The following CSPP1 variants were observed in gnomAD, a reference collection of about 807,000 sequenced individuals.
CSPP1 encodes centrosome and spindle pole associated protein 1.
A neutral mutation model predicts 164.4 loss-of-function variants in CSPP1; 126 were observed. The observed-to-expected ratio is 0.77, with a 90% CI of 0.66 to 0.89. The LOEUF (loss-of-function observed/expected upper bound fraction) is 0.89. Ranked by LOEUF, CSPP1 falls within the 40% of genes least tolerant of loss-of-function variation. The pLI is 0.00. For synonymous variants in CSPP1, 472 were observed against 476.7 expected, an observed-to-expected ratio of 0.99 and a Z score of 0.13; for missense variants, 1,395 against 1,449.8, an observed-to-expected ratio of 0.96 and a Z score of 0.61.
chr8:67,117,835 C>T (rs745428273), intron 13 of CSPP1, among the ~76,000 whole-genome samples: 1 of 152,156 alleles, frequency 6.6e-6, no homozygotes, highest in Non-Finnish European at 1.5e-5. Flanking sequence ...GTACCTATAG[C>T]AATCTGCATT....
intron 29 of CSPP1, among the ~76,000 whole-genome samples, chr8:67,192,232 G>A (rs1192074056): frequency 6.6e-6 from 1 of 151,924 alleles, no homozygotes; most frequent in Non-Finnish European, 1.5e-5. Flanking sequence ...ATGCCAACAC[G>A]CCTGGCTAAG....
intron 10 of CSPP1, among the ~76,000 whole-genome samples, 184 bp from the exon 11 acceptor site, chr8:67,113,621 A>T (rs1336010818): frequency 6.6e-6 from 1 of 152,166 alleles, no homozygotes; most frequent in Non-Finnish European, 1.5e-5. Flanking sequence ...ATTCTAGTTT[A>T]CTTTGTATCA....
At chr8:67,165,431 T>C (rs1295559771) in intron 24 of CSPP1, among the ~76,000 whole-genome samples, 1 of 152,252 alleles carries the variant, frequency 6.6e-6, no homozygotes, top group Non-Finnish European at 1.5e-5. Flanking sequence ...TTTGAGACTC[T>C]TTGGATTTCT....
intron 16 of CSPP1, among the ~76,000 whole-genome samples, chr8:67,132,908 T>TA (rs1383606174): frequency 6.6e-6 from 1 of 152,210 alleles, no homozygotes; most frequent in East Asian, 1.9e-4. Flanking sequence ...GACTCTAACT[T>TA]ACTTACTTTT....
intron 26 of CSPP1, among the ~76,000 whole-genome samples, chr8:67,177,091 A>AAAAAAAAT (rs1831872801): frequency 6.6e-6 from 1 of 151,872 alleles, no homozygotes; most frequent in African/African-American, 2.4e-5. Flanking sequence ...AAAAAAAAAA[A>AAAAAAAAT]AAGAATATGG....
intron 17 of CSPP1, among the ~76,000 whole-genome samples, chr8:67,145,206 C>A (rs1490894832): frequency 6.6e-6 from 1 of 152,066 alleles, no homozygotes; most frequent in Non-Finnish European, 1.5e-5. Context: ...TTGAATCATT[C>A]AAGGAAATTA....
intron 24 of CSPP1, among the ~76,000 whole-genome samples, chr8:67,167,476 C>T (rs1046426443): frequency 7.3e-5 from 11 of 150,750 alleles, no homozygotes; most frequent in Non-Finnish European, 1.5e-4. Context: ...GGCTGCTGGG[C>T]GGAGGGGCTC....
chr8:67,188,102 C>T lies in CSPP1; in HGVS notation c.3221-2548C>T, dbSNP rs146523510. Among the ~76,000 whole-genome samples the T allele has an allele frequency of 1.8e-4, 27 of 152,278 alleles. No homozygotes were observed. The East Asian group carries it at 4.1e-3, about 23-fold the overall frequency. On this transcript the variant is annotated intron_variant, in intron 28 of 30. Coordinates refer to ENST00000678616, the MANE Select transcript of CSPP1 (RefSeq NM_001382391.1). ...TAATTAAGAGAATGAGAAGACAGGA[C>T]AGAGACTGTAAGAAATTATTTGCAA...
intron 15 of CSPP1, among the ~76,000 whole-genome samples, chr8:67,130,104 T>C (rs1820906708): frequency 6.7e-6 from 1 of 149,744 alleles, no homozygotes; most frequent in African/African-American, 2.6e-5. Flanking sequence ...ACTTTTCTTA[T>C]GTGGGAGTTC....
chr8:67,137,930 C>A (rs1486892654), intron 17 of CSPP1, among the ~76,000 whole-genome samples: 2 of 151,950 alleles, frequency 1.3e-5, no homozygotes, highest in African/African-American at 2.4e-5. Flanking sequence ...AATGATAAAA[C>A]CCATATTACA....
At chr8:67,066,786 T>C (rs1338432923) in intron 1 of CSPP1, among the ~76,000 whole-genome samples, 1 of 151,908 alleles carries the variant, frequency 6.6e-6, no homozygotes, top group African/African-American at 2.4e-5. Flanking sequence ...TGTTTTTTGT[T>C]TGTTTGTTTG....
At position 67,195,730 on chromosome 8, in the gene CSPP1, C is replaced by CATG. The variant is rs1265215343; in HGVS notation, c.*141_*143dup. 1.2e-5 allele frequency: 8 copies of CATG among 647,892 alleles called. No homozygotes were observed. In the African/African-American group the frequency reaches 1.5e-4, roughly 12 times the overall value. The allele number at this position is 647,892 out of a possible 1,614,324, so 40.1% of individuals were successfully genotyped here. ...CATCTGTATATAAAATTATTTTTAT[C>CATG]ATGATGTATATTATGTACATAAATA... On this transcript the variant is annotated 3_prime_UTR_variant, in exon 31 of 31. Coordinates refer to ENST00000678616, the MANE Select transcript of CSPP1 (RefSeq NM_001382391.1).
intron 16 of CSPP1, among the ~76,000 whole-genome samples, chr8:67,136,460 T>C (rs1166829827): frequency 6.6e-6 from 1 of 150,756 alleles, no homozygotes; most frequent in East Asian, 2.0e-4. Flanking sequence ...TCCCAGCTAC[T>C]CTGGAGGCTG....
At position 67,116,400 on chromosome 8, in the gene CSPP1, T is replaced by A. The variant is rs539636496; in HGVS notation, c.1496+278T>A. ...TTTAGTTTTGGGTTGTATTTTGGGA[T>A]GTTTTTGATATCTTTTAACATATAA... On this transcript the variant is annotated intron_variant, in intron 13 of 30. Coordinates refer to ENST00000678616, the MANE Select transcript of CSPP1 (RefSeq NM_001382391.1). Among the ~76,000 whole-genome samples, 4 of 152,330 alleles carry A rather than the reference T, an allele frequency of 2.6e-5. No individual in the cohort carries two copies. In the South Asian group the frequency reaches 8.3e-4, roughly 32 times the overall value.
chr8:67,092,841 C>T (rs1811912044), intron 5 of CSPP1, among the ~76,000 whole-genome samples: 1 of 152,110 alleles, frequency 6.6e-6, no homozygotes, highest in Non-Finnish European at 1.5e-5. Context: ...TATGTTTTAA[C>T]AGAACATTTC....
chr8:67,140,543 A>G (rs1823294732), intron 17 of CSPP1, among the ~76,000 whole-genome samples: 3 of 152,216 alleles, frequency 2.0e-5, no homozygotes, highest in Non-Finnish European at 4.4e-5. Context: ...AACATTTCTT[A>G]TTTTAATAGG....
intron 1 of CSPP1, among the ~76,000 whole-genome samples, chr8:67,067,270 G>T (rs974441345): frequency 6.6e-5 from 10 of 152,178 alleles, no homozygotes; most frequent in Non-Finnish European, 4.4e-5. Context: ...GGTTCTGTTT[G>T]TTTATTGGAT....
chr8:67,164,808 C>T (rs1250831080), intron 24 of CSPP1, among the ~76,000 whole-genome samples: 3 of 152,184 alleles, frequency 2.0e-5, no homozygotes, highest in East Asian at 1.9e-4. Flanking sequence ...AAATCACGTA[C>T]GGGCTACCGA....
At chr8:67,073,695 AG>A (rs1476546629) in intron 1 of CSPP1, among the ~76,000 whole-genome samples, 1 of 152,204 alleles carries the variant, frequency 6.6e-6, no homozygotes, top group Non-Finnish European at 1.5e-5. Context: ...CACACTGAAG[AG>A]CTTAGGGGCA....
Sources: gnomAD v4.1 joint callset for allele counts (sites outside exome capture counted in the v4.1 genomes callset) on GRCh38, gnomAD v4.1.1 for gene constraint, MANE v1.5 for transcripts, NCBI Gene and HGNC (gene_info 2026-07-23, HGNC 2026-07-21) for gene names.